Variants in EPB41L5 observed in about 807,000 individuals in gnomAD.
The protein encoded by EPB41L5 is erythrocyte membrane protein band 4.1 like 5.
In EPB41L5, 55 loss-of-function variants were observed where a neutral mutation model predicts 106.6. The ratio of observed to expected loss-of-function variants is 0.52; its 90% CI spans 0.42 to 0.65. The LOEUF (loss-of-function observed/expected upper bound fraction) is 0.65. EPB41L5 is among the 30% of genes least tolerant of loss of function. The pLI is 0.00. For synonymous variants in EPB41L5, 297 were observed against 306.7 expected (o/e 0.97, Z 0.33); for missense variants, 871 against 882.1 (o/e 0.99, Z 0.16).
At chr2:120,031,397 A>AG in intron 2 of EPB41L5, among the ~76,000 whole-genome samples, 1 of 152,270 alleles carries the variant, frequency 6.6e-6, no homozygotes, top group South Asian at 2.1e-4. Context: ...AGGTGAAGTG[A>AG]GGGCTGGATC....
chr2:120,044,909 G>A (rs1258219561), intron 3 of EPB41L5, among the ~76,000 whole-genome samples: 1 of 152,158 alleles, frequency 6.6e-6, no homozygotes, highest in African/African-American at 2.4e-5. Context: ...TGGAAGAAGA[G>A]TTAGTAGATT....
chr2:120,046,072 T>A (rs1558821426), intron 3 of EPB41L5, among the ~76,000 whole-genome samples: 1 of 152,026 alleles, frequency 6.6e-6, no homozygotes, highest in Non-Finnish European at 1.5e-5. Flanking sequence ...GGGGTTTGGG[T>A]TGGTTCCAAG....
At chr2:120,173,931 C>A (rs748954214) in intron 24 of EPB41L5, among the ~76,000 whole-genome samples, 1 of 152,198 alleles carries the variant, frequency 6.6e-6, no homozygotes, top group Non-Finnish European at 1.5e-5. Flanking sequence ...TGGATTCTCC[C>A]ACCTCACTAA....
chr2:120,150,392 G>T (rs1424967719), intron 20 of EPB41L5, among the ~76,000 whole-genome samples: 1 of 151,976 alleles, frequency 6.6e-6, no homozygotes, highest in Non-Finnish European at 1.5e-5. Flanking sequence ...CACAATCATA[G>T]CTCACTGTAA....
intron 16 of EPB41L5, 136 bp from the exon 17 acceptor site, chr2:120,127,549 TTTA>T: frequency 1.6e-6 from 1 of 628,124 alleles, no homozygotes; most frequent in Non-Finnish European, 2.6e-6. Context: ...TTTTTTAATT[TTTA>T]TTTTTGTTTT....
At position 120,054,191 on chromosome 2, in the gene EPB41L5, G is replaced by A. The variant is rs78106295; in HGVS notation, c.285+12081G>A. 6.5e-3 allele frequency among the ~76,000 whole-genome samples: 997 copies of A among 152,220 alleles called. 16 individuals are homozygous for A. In the East Asian group the frequency reaches 0.079, roughly 12 times the overall value. ...GCATCTTTTCATGTGCTTGTTTGCC[G>A]TTTGTGTATCTTCTTTGGAGAAATG... On this transcript the variant is annotated intron_variant, in intron 3 of 24. Transcript: ENST00000263713.
At position 120,164,933 on chromosome 2, in the gene EPB41L5, T is replaced by C. The variant is rs573503427; in HGVS notation, c.1962+23T>C. 5 of 1,529,676 alleles carry C rather than the reference T, an allele frequency of 3.3e-6. No individual in the cohort carries two copies. In the African/African-American group the frequency reaches 4.2e-5, roughly 13 times the overall value. 94.8% of individuals were successfully genotyped at this position (1,529,676 alleles called of 1,614,324 possible). A position where few individuals can be genotyped will look rare whatever the true frequency, so the allele number is the denominator to read the frequency against. On this transcript the variant is annotated intron_variant, in intron 22 of 24. Coordinates refer to ENST00000263713, the MANE Select transcript of EPB41L5 (RefSeq NM_020909.4). ...CAGGTAAATATGCTTTAAAATAGTA[T>C]GATGGAAAGAAATTTCTGTTTTGAA...
At chr2:120,045,936 G>T (rs1679741630) in intron 3 of EPB41L5, among the ~76,000 whole-genome samples, 1 of 151,602 alleles carries the variant, frequency 6.6e-6, no homozygotes, top group South Asian at 2.1e-4. Flanking sequence ...GTGATAGTTT[G>T]CTGAGAATGA....
chr2:120,100,326 T>C, intron 15 of EPB41L5, 40 bp downstream of exon 15: 1 of 1,572,800 alleles, frequency 6.4e-7, no homozygotes, highest in South Asian at 1.1e-5. Context: ...GGATCACCCG[T>C]TAATTATGGT....
At chr2:120,025,996 A>G (rs972555870) in intron 2 of EPB41L5, among the ~76,000 whole-genome samples, 2 of 152,164 alleles carry the variant, frequency 1.3e-5, no homozygotes, top group African/African-American at 4.8e-5. Context: ...GGGTCAGATG[A>G]TTTTTGACAA....
intron 16 of EPB41L5, among the ~76,000 whole-genome samples, chr2:120,123,763 T>G (rs1685337203): frequency 6.7e-6 from 1 of 149,090 alleles, no homozygotes; most frequent in Non-Finnish European, 1.5e-5. Context: ...GTTCAGGTGA[T>G]TCTCCCATCT....
intron 17 of EPB41L5, among the ~76,000 whole-genome samples, chr2:120,130,229 GT>G (rs35293899): frequency 0.26 from 39,241 of 151,850 alleles, 5,466 homozygotes; most frequent in South Asian, 0.35. Flanking sequence ...TGTTGTCAAG[GT>G]TGTGGCAGAG....
intron 18 of EPB41L5, among the ~76,000 whole-genome samples, chr2:120,135,982 A>G (rs1368814756): frequency 1.3e-5 from 2 of 151,820 alleles, no homozygotes; most frequent in Admixed American, 6.6e-5. Flanking sequence ...AACTATTCAT[A>G]TCTTTAGTAG....
In EPB41L5 at chr2:120,148,413, T is replaced by G. The variant is rs1686509212; in HGVS notation, c.1793+2124T>G. Among the ~76,000 whole-genome samples the G allele has an allele frequency of 1.3e-5, 2 of 151,842 alleles. 1 individual carries two copies. Among genetic ancestry groups the G allele is most frequent in the South Asian group, 4.2e-4 (2 of 4,798 alleles). ...CATATATACTCATCCTCATTCTACC[T>G]TACCTAAGGTCTTCATACTCACTAG... On this transcript the variant is annotated intron_variant, in intron 20 of 24. Coordinates refer to ENST00000263713, the MANE Select transcript of EPB41L5 (RefSeq NM_020909.4).
intron 3 of EPB41L5, among the ~76,000 whole-genome samples, chr2:120,063,788 A>G (rs183251074): frequency 1.3e-5 from 2 of 152,260 alleles, no homozygotes; most frequent in Admixed American, 6.5e-5. Context: ...TAAAAATAAT[A>G]AAAATTAGCC....
chr2:120,106,262 A>G, intron 16 of EPB41L5: 2 of 985,384 alleles, frequency 2.0e-6, no homozygotes, highest in Non-Finnish European at 2.4e-6. Context: ...AGGGGTGAGG[A>G]AAGTAAAGGG....
chr2:120,160,226 T>C (rs1346587590), intron 20 of EPB41L5, among the ~76,000 whole-genome samples: 3 of 152,262 alleles, frequency 2.0e-5, no homozygotes, highest in Non-Finnish European at 4.4e-5. Flanking sequence ...AAAAAAATTA[T>C]ACTTTTCGGC....
intron 3 of EPB41L5, among the ~76,000 whole-genome samples, 176 bp downstream of exon 3, chr2:120,042,286 A>G (rs909877855): frequency 2.6e-5 from 4 of 152,180 alleles, no homozygotes; most frequent in Non-Finnish European, 5.9e-5. Flanking sequence ...CTTGTTTTAA[A>G]AAATGTGAGT....
chr2:120,150,772 C>G (rs1015978785), intron 20 of EPB41L5, among the ~76,000 whole-genome samples: 1 of 152,056 alleles, frequency 6.6e-6, no homozygotes, highest in Non-Finnish European at 1.5e-5. Flanking sequence ...TAGACTCTTA[C>G]CGAATACATG....
Sources: gnomAD v4.1 joint callset for allele counts (sites outside exome capture counted in the v4.1 genomes callset) on GRCh38, gnomAD v4.1.1 for gene constraint, MANE v1.5 for transcripts, NCBI Gene and HGNC (gene_info 2026-07-23, HGNC 2026-07-21) for gene names.